RUNX1: variants seen among roughly 807,000 people sequenced by gnomAD.
RUNX1 encodes runt-related transcription factor 1.
In RUNX1, 19 loss-of-function variants were observed where a neutral mutation model predicts 42.8. That is an observed-to-expected ratio of 0.44 (90% CI 0.31 to 0.65). RUNX1 has a LOEUF of 0.65. Ranked by LOEUF, RUNX1 falls within the 30% of genes least tolerant of loss-of-function variation. RUNX1 has a pLI of 0.07. For synonymous variants in RUNX1, 271 were observed against 289.4 expected (o/e 0.94, Z 0.64); for missense variants, 528 against 672.0 (o/e 0.79, Z 2.37).
chr21:34,848,744 A>G (rs1016521186), intron 6 of RUNX1, among the ~76,000 whole-genome samples: 5 of 152,158 alleles, frequency 3.3e-5, no homozygotes, highest in African/African-American at 1.2e-4. Context: ...CCCCTGGTTC[A>G]CTTTTGAAAC....
At chr21:35,045,946 C>G (rs1217982776) in intron 2 of RUNX1, among the ~76,000 whole-genome samples, 1 of 152,096 alleles carries the variant, frequency 6.6e-6, no homozygotes, top group Non-Finnish European at 1.5e-5. Context: ...TCAGGCTTTG[C>G]ATAGACCACT....
In RUNX1 at chr21:34,892,910, TG is replaced by T; in HGVS notation, c.97+14del. The T allele has an allele frequency of 6.8e-7, 1 of 1,478,152 alleles. No homozygotes were observed. Among genetic ancestry groups the T allele is most frequent in the Non-Finnish European group, 9.4e-7 (1 of 1,058,286 alleles). The allele number at this position is 1,478,152 out of a possible 1,614,324, so 91.6% of individuals were successfully genotyped here. ...GTGTACTTTATTTAAAAATATAACT[TG>T]GAATTTAACATACCGTGGACGTCTC... On this transcript the variant is annotated intron_variant, in intron 3 of 8. Transcript: ENST00000675419.
Position 34,983,141 on chromosome 21 carries a change from T to A in RUNX1, c.58+65701A>T, listed in dbSNP as rs1280333688. ...AACCAGCAAGCGCATGAGGTAGAAA[T>A]TTTGGAGGATTAAGGCTTTATTGAA... On this transcript the variant is annotated intron_variant, in intron 2 of 8. Coordinates refer to ENST00000675419, the MANE Select transcript of RUNX1 (RefSeq NM_001754.5). Among the ~76,000 whole-genome samples the A allele has an allele frequency of 2.0e-5, 3 of 152,176 alleles. No individual in the cohort carries two copies. In the East Asian group the frequency reaches 5.8e-4, roughly 29 times the overall value.
chr21:34,845,305 G>A (rs2057299836), intron 6 of RUNX1, among the ~76,000 whole-genome samples: 2 of 152,292 alleles, frequency 1.3e-5, no homozygotes, highest in South Asian at 4.1e-4. Flanking sequence ...GGAAGGGAAG[G>A]TTCCATCCTT....
intron 6 of RUNX1, among the ~76,000 whole-genome samples, chr21:34,851,929 G>T (rs965022493): frequency 9.2e-5 from 14 of 152,158 alleles, no homozygotes; most frequent in Non-Finnish European, 1.2e-4. Context: ...CACTTTGGGA[G>T]GCCAAGGCGG....
chr21:35,045,144 C>A (rs1291528822), intron 2 of RUNX1, among the ~76,000 whole-genome samples: 1 of 152,096 alleles, frequency 6.6e-6, no homozygotes, highest in Non-Finnish European at 1.5e-5. Flanking sequence ...TCTTAGCGTG[C>A]AAAAAGTCTA....
rs553533075 is a variant in RUNX1, at chr21:34,868,035, A to T, written c.509-8457T>A. On this transcript the variant is annotated intron_variant, in intron 5 of 8. Transcript: ENST00000675419. The stretch of plus-strand genomic sequence containing the variant: ...TGCAGCTGGGAGGCCTGAGGCATGG[A>T]CATTCTTCAGGGAAGGAAGGCTTGG... 1.3e-4 allele frequency among the ~76,000 whole-genome samples: 20 copies of T among 152,314 alleles called. No homozygotes were observed. The South Asian group carries it at 3.5e-3, about 27-fold the overall frequency.
intron 2 of RUNX1, among the ~76,000 whole-genome samples, chr21:34,962,299 A>G (rs1458608499): frequency 6.6e-6 from 1 of 152,242 alleles, no homozygotes; most frequent in Non-Finnish European, 1.5e-5. Flanking sequence ...ATTTAGGAAG[A>G]AGAGGCTGTG....
At chr21:34,940,727 C>T (rs759965512) in intron 2 of RUNX1, among the ~76,000 whole-genome samples, 4 of 152,226 alleles carry the variant, frequency 2.6e-5, no homozygotes, top group African/African-American at 4.8e-5. Context: ...AACTGTGCTG[C>T]TCCCCACATG....
chr21:34,884,671 T>G (rs372119363), intron 4 of RUNX1, among the ~76,000 whole-genome samples: 16 of 152,368 alleles, frequency 1.1e-4, no homozygotes, highest in East Asian at 9.6e-4. Context: ...ACTGTCTCAC[T>G]GAACATTTTG....
chr21:34,911,962 T>A (rs1391954756), intron 2 of RUNX1, among the ~76,000 whole-genome samples: 1 of 151,924 alleles, frequency 6.6e-6, no homozygotes, highest in Non-Finnish European at 1.5e-5. Context: ...ATCACAACTA[T>A]CATGTCACAT....
intron 2 of RUNX1, among the ~76,000 whole-genome samples, chr21:34,968,721 A>T (rs2058738999): frequency 6.6e-6 from 1 of 152,086 alleles, no homozygotes; most frequent in Non-Finnish European, 1.5e-5. Context: ...TCCATGCAGC[A>T]TCTACTACTG....
intron 2 of RUNX1, among the ~76,000 whole-genome samples, chr21:34,944,950 G>C (rs1418459153): frequency 6.6e-6 from 1 of 152,278 alleles, no homozygotes; most frequent in East Asian, 1.9e-4. Flanking sequence ...TATGAGGCCT[G>C]GCAAATTATG....
At chr21:34,973,308 G>A (rs992441332) in intron 2 of RUNX1, among the ~76,000 whole-genome samples, 1 of 152,160 alleles carries the variant, frequency 6.6e-6, no homozygotes, top group African/African-American at 2.4e-5. Flanking sequence ...TAGTTATCAT[G>A]CCAAGGACAA....
At position 34,887,006 on chromosome 21, in the gene RUNX1, G is replaced by A. The variant is rs776111803; in HGVS notation, c.188C>T (p.Ala63Val). The change falls in exon 4 of 9, where the codon GCC (alanine) becomes GTC (valine). Residue 63 changes from alanine (A) to valine (V), a missense_variant. Ala to Val is a moderately conservative substitution (Grantham distance 64). This residue lies in a region of RUNX1 where 114 missense variants were observed against 115.0 expected (regional missense o/e 0.99). Transcript: ENST00000675419. ...CAGCTTGCCGGCCAGGGCAGCGCCGGCGTCCGGGGCGCCCAGCGGCAACGC... is the reference window on the plus strand; with the variant it reads ...CAGCTTGCCGGCCAGGGCAGCGCCGACGTCCGGGGCGCCCAGCGGCAACGC... Reference protein sequence around the residue: ...SEALPLGAPDAGAALAGKLRS... With the variant: ...SEALPLGAPDVGAALAGKLRS... 2 of 1,603,072 alleles carry A rather than the reference G, an allele frequency of 1.2e-6. No individual in the cohort carries two copies. The highest frequency in any genetic ancestry group is 2.2e-5 in the South Asian group (2 of 90,824).
At position 34,793,401 on chromosome 21, in the gene RUNX1, T is replaced by C. The variant is rs571527762; in HGVS notation, c.968-791A>G. On this transcript the variant is annotated intron_variant, in intron 8 of 8. Transcript: ENST00000675419. The stretch of plus-strand genomic sequence containing the variant: ...TATATACTATAATATGTATAACGTA[T>C]ATAAAATGTTGATATAATCCTAGGG... Among the ~76,000 whole-genome samples, 85 of 152,308 alleles carry C rather than the reference T, an allele frequency of 5.6e-4. No homozygotes were observed. The South Asian group carries it at 0.017, about 30-fold the overall frequency.
intron 5 of RUNX1, among the ~76,000 whole-genome samples, chr21:34,866,021 C>A (rs2057656627): frequency 6.6e-6 from 1 of 152,210 alleles, no homozygotes; most frequent in African/African-American, 2.4e-5. Flanking sequence ...TTGCAGGTAT[C>A]CCCGGTCTAC....
intron 5 of RUNX1, among the ~76,000 whole-genome samples, chr21:34,873,668 C>T (rs555723278): frequency 3.9e-5 from 6 of 152,284 alleles, no homozygotes; most frequent in South Asian, 4.1e-4. Context: ...GGAGAACGTT[C>T]GGTGATGTCA....
At chr21:34,834,686 A>T (rs1167523587) in intron 6 of RUNX1, 85 bp from the exon 7 acceptor site, 1 of 1,220,764 alleles carries the variant, frequency 8.2e-7, no homozygotes, top group African/African-American at 1.5e-5. Context: ...GGATTTCCTA[A>T]AACTGGGGCT....
Sources: gnomAD v4.1 joint callset for allele counts (sites outside exome capture counted in the v4.1 genomes callset) on GRCh38, gnomAD v4.1.1 for gene constraint, gnomAD v4.1.1 regional missense constraint, MANE v1.5 for transcripts, NCBI Gene and HGNC (gene_info 2026-07-23, HGNC 2026-07-21) for gene names.